The following GPR153 variants were observed in gnomAD, a reference collection of about 807,000 sequenced individuals.
The protein encoded by GPR153 is probable G protein-coupled receptor 153.
In GPR153, 27 loss-of-function variants were observed where a neutral mutation model predicts 34.1. The ratio of observed to expected loss-of-function variants is 0.79; its 90% CI spans 0.58 to 1.09. The LOEUF is 1.09. Ranked by LOEUF, GPR153 falls within the 50% of genes least tolerant of loss-of-function variation. GPR153 has a pLI of 0.00. For synonymous variants in GPR153, 408 were observed against 405.4 expected (o/e 1.01, Z -0.08); for missense variants, 848 against 860.2 (o/e 0.99, Z 0.18).
intron 3 of GPR153, among the ~76,000 whole-genome samples, chr1:6,253,331 G>A (rs1019875427): frequency 7.2e-5 from 11 of 152,356 alleles, no homozygotes; most frequent in Middle Eastern, 3.4e-3. Flanking sequence ...AGGAGGCAGA[G>A]GTTGCAGTGA....
chr1:6,255,657 T>TTTTTG (rs1465487420), intron 1 of GPR153, among the ~76,000 whole-genome samples: 1 of 137,060 alleles, frequency 7.3e-6, no homozygotes, highest in African/African-American at 2.7e-5. Flanking sequence ...TTTTTTTTTT[T>TTTTTG]TTTTTTTTTT....
intron 1 of GPR153, among the ~76,000 whole-genome samples, chr1:6,255,959 CTAATTT>C (rs1288841007): frequency 1.3e-5 from 2 of 152,040 alleles, no homozygotes; most frequent in East Asian, 1.9e-4. Context: ...CCCTGCCTGG[CTAATTT>C]TAATTTTATT....
rs1440751179 is a variant in GPR153 at position 6,247,794 on chromosome 1, C to T, written c.*1544G>A. 2.0e-5 allele frequency: 3 copies of T among 152,428 alleles called. No individual in the cohort carries two copies. Among genetic ancestry groups the T allele is most frequent in the Admixed American group, 1.3e-4 (2 of 15,314 alleles). 9.4% of individuals were successfully genotyped at this position (152,428 alleles called of 1,614,324 possible). A position where few individuals can be genotyped will look rare whatever the true frequency, so the allele number is the denominator to read the frequency against. On this transcript the variant is annotated 3_prime_UTR_variant, in exon 6 of 6. Coordinates refer to ENST00000377893, the MANE Select transcript of GPR153 (RefSeq NM_207370.4). ...AGCATTGGCCAGAGATGGCCCCTCC[C>T]GCGGCCAGGGCTGGATTGCAGTTCC...
Position 6,251,705 on chromosome 1 carries a change from C to T in GPR153, c.787-175G>A, listed in dbSNP as rs973117127. On this transcript the variant is annotated intron_variant, in intron 3 of 5. Transcript: ENST00000377893. This position sits in a 1 kb window ranked among gnomAD's most constrained non-coding sequence, Gnocchi z 4.9. ...CGTGGCAGTGGGAGGCCCCGCCTTCCGGGAGCTACCTGGCTACTGGGCAGC... is the reference window on the plus strand; with the variant it reads ...CGTGGCAGTGGGAGGCCCCGCCTTCTGGGAGCTACCTGGCTACTGGGCAGC... 4.8e-5 allele frequency: 14 copies of T among 291,042 alleles called. No individual in the cohort carries two copies. The highest frequency in any genetic ancestry group is 1.7e-3 in the Middle Eastern group (1 of 590). 18.0% of individuals were successfully genotyped at this position (291,042 alleles called of 1,614,324 possible).
At position 6,249,244 on chromosome 1, in the gene GPR153, T is replaced by A. The variant is rs1022354032; in HGVS notation, c.*94A>T. ...CCTCACCCCTGGGAGGGGTGGCGCA[T>A]GTCTGCGCGCGGGGCGGAGGCGGGC... On this transcript the variant is annotated 3_prime_UTR_variant, in exon 6 of 6. Transcript: ENST00000377893. The surrounding 1 kb of genome is among the most constrained non-coding windows in gnomAD (Gnocchi z 4.3). The A allele has an allele frequency of 4.4e-5, 42 of 945,944 alleles. No homozygotes were observed. The highest frequency in any genetic ancestry group is 5.8e-5 in the Non-Finnish European group (42 of 726,888). The allele number at this position is 945,944 out of a possible 1,614,324, so 58.6% of individuals were successfully genotyped here.
At chr1:6,258,740 C>T (rs922729018) in intron 1 of GPR153, among the ~76,000 whole-genome samples, 4 of 152,370 alleles carry the variant, frequency 2.6e-5, no homozygotes, top group Admixed American at 6.5e-5. Context: ...AAGGCAGCCT[C>T]GGCTGTGAGA....
At chr1:6,256,528 C>T (rs1259899500) in intron 1 of GPR153, among the ~76,000 whole-genome samples, 2 of 151,908 alleles carry the variant, frequency 1.3e-5, no homozygotes, top group Non-Finnish European at 1.5e-5. Flanking sequence ...CCACCATGCT[C>T]GGCTAATTTT....
rs758478301 is a variant in GPR153 at position 6,254,539 on chromosome 1, C to T, written c.356+11G>A. 1 of 1,544,918 alleles carries T rather than the reference C, an allele frequency of 6.5e-7. No homozygotes were observed. Among genetic ancestry groups the T allele is most frequent in the Admixed American group, 2.0e-5 (1 of 50,076 alleles). ...TAGAACCCCAAGAACCCCAGAACTT[C>T]ACATGCTCACCGGTAGTTGACAGGC... is the stretch of plus-strand genomic sequence containing the variant. On this transcript the variant is annotated intron_variant, in intron 2 of 5. Coordinates refer to ENST00000377893, the MANE Select transcript of GPR153 (RefSeq NM_207370.4).
In GPR153 at chr1:6,250,606, C is replaced by T. The variant is rs1214656655; in HGVS notation, c.998G>A (p.Gly333Asp). The change falls in exon 5 of 6, where the codon GGC becomes GAC. Residue 333 changes from glycine (G) to aspartate (D), a missense_variant. By Grantham distance (94) the Gly-to-Asp change is moderately conservative (BLOSUM62 -1). Transcript: ENST00000377893. ...CTCCAACACCAGGTCCGGGGAGATG[C>T]CACCTTCCAGGCTGGTCTCTGTAGG... ...ESDDETSLEG[G>D]ISPDLVLERS... 3 of 1,517,230 alleles carry T rather than the reference C, an allele frequency of 2.0e-6. No homozygotes were observed. Among genetic ancestry groups the T allele is most frequent in the East Asian group, 2.5e-5 (1 of 40,234 alleles). The allele number at this position is 1,517,230 out of a possible 1,614,324, so 94.0% of individuals were successfully genotyped here.
Position 6,251,236 on chromosome 1 carries a change from G to T in GPR153, c.979+102C>A. ...GGGGTGTCTGGTGGTTGAGAATGAA[G>T]TCACCTCCTTAGTGGCGTTGCCTGA... On this transcript the variant is annotated intron_variant, in intron 4 of 5. Coordinates refer to ENST00000377893, the MANE Select transcript of GPR153 (RefSeq NM_207370.4). The surrounding 1 kb of genome is among the most constrained non-coding windows in gnomAD (Gnocchi z 4.9). The T allele has an allele frequency of 1.1e-6, 1 of 894,266 alleles. No individual in the cohort carries two copies. The highest frequency in any genetic ancestry group is 1.7e-6 in the Non-Finnish European group (1 of 572,490). 55.4% of individuals were successfully genotyped at this position (894,266 alleles called of 1,614,324 possible).
rs942095970 is a variant in GPR153, at chr1:6,250,253, C to A, written c.1164+187G>T. The A allele has an allele frequency of 3.8e-5, 37 of 985,358 alleles. No individual in the cohort carries two copies. In the Middle Eastern group the frequency reaches 1.6e-3, roughly 42 times the overall value. 61.0% of individuals were successfully genotyped at this position (985,358 alleles called of 1,614,324 possible). A position where few individuals can be genotyped will look rare whatever the true frequency, so the allele number is the denominator to read the frequency against. On this transcript the variant is annotated intron_variant, in intron 5 of 5. Transcript: ENST00000377893. Reference sequence around the variant, plus strand: ...CAGGAGATAACTCATGTGACAGGGACCATGGGGGTGGCGGTTGGGGCCCAC... The same window carrying A: ...CAGGAGATAACTCATGTGACAGGGAACATGGGGGTGGCGGTTGGGGCCCAC...
chr1:6,249,437 C>T lies in GPR153; in HGVS notation c.1731G>A (p.Ala577=). 1 of 1,363,610 alleles carries T rather than the reference C, an allele frequency of 7.3e-7. No individual in the cohort carries two copies. Among genetic ancestry groups the T allele is most frequent in the Non-Finnish European group, 9.4e-7 (1 of 1,062,364 alleles). 84.5% of individuals were successfully genotyped at this position (1,363,610 alleles called of 1,614,324 possible). Residue 577 remains alanine, a synonymous_variant, in exon 6 of 6, where the codon GCG becomes GCA. Transcript: ENST00000377893. The surrounding 1 kb of genome is among the most constrained non-coding windows in gnomAD (Gnocchi z 4.3). The part of the protein sequence containing the change: ...ASWGEPGGLR[A]AGGGGSTSSF... The stretch of plus-strand genomic sequence containing the variant: ...TGCTGGTGCTGCCGCCGCCGCCCGC[C>T]GCGCGCAGCCCCCCGGGCTCGCCCC...
At chr1:6,254,380 C>T (rs1414963038) in intron 2 of GPR153, among the ~76,000 whole-genome samples, 170 bp downstream of exon 2, 1 of 152,222 alleles carries the variant, frequency 6.6e-6, no homozygotes, top group Non-Finnish European at 1.5e-5. Context: ...TCTACCCATG[C>T]AAAGCTACGT....
Position 6,254,703 on chromosome 1 carries a change from T to G in GPR153, c.203A>C (p.Gln68Pro). ...AVPIATYSVV[Q>P]LRRQRPDFEW... ...GAAGTCGGGGCGCTGCCGCCGCAGC[T>G]GCACCACGGAGTAGGTGGCGATGGG... Residue 68 changes from glutamine to proline, a missense_variant, in exon 2 of 6, where the codon CAG becomes CCG. By Grantham distance (76) the Gln-to-Pro change is moderately conservative (BLOSUM62 -1). Transcript: ENST00000377893. 6.2e-7 allele frequency: 1 copy of G among 1,613,898 alleles called. No homozygotes were observed. Among genetic ancestry groups the G allele is most frequent in the Non-Finnish European group, 8.5e-7 (1 of 1,179,926 alleles).
rs1638665606 is a variant in GPR153 at position 6,260,911 on chromosome 1, C to A, written c.-196G>T. Reference sequence around the variant, plus strand: ...CCCGCGCCCCCGGGCCGAGCGCAGGCCGCCGAGGGCCGCGGGGGTGGCTGG... The same window carrying A: ...CCCGCGCCCCCGGGCCGAGCGCAGGACGCCGAGGGCCGCGGGGGTGGCTGG... On this transcript the variant is annotated 5_prime_UTR_variant, in exon 1 of 6. Transcript: ENST00000377893. 2.0e-5 allele frequency: 3 copies of A among 147,696 alleles called. No homozygotes were observed. In the South Asian group the frequency reaches 6.2e-4, roughly 31 times the overall value. The allele number at this position is 147,696 out of a possible 1,614,324, so 9.1% of individuals were successfully genotyped here.
At chr1:6,257,083 T>C (rs1638584208) in intron 1 of GPR153, among the ~76,000 whole-genome samples, 1 of 152,218 alleles carries the variant, frequency 6.6e-6, no homozygotes, top group African/African-American at 2.4e-5. Flanking sequence ...ACCTGCATCC[T>C]CAGGGAACCA....
chr1:6,247,924 C>A lies in GPR153; in HGVS notation c.*1414G>T. 1 of 152,530 alleles carries A rather than the reference C, an allele frequency of 6.6e-6. No individual in the cohort carries two copies. 9.4% of individuals were successfully genotyped at this position (152,530 alleles called of 1,614,324 possible). A position where few individuals can be genotyped will look rare whatever the true frequency, so the allele number is the denominator to read the frequency against. ...ACAGGCTTAGGCAGCCTCCCACCCCCACCCCAGCAGCTTCTTCTGGGAGTG... is the reference window on the plus strand; with the variant it reads ...ACAGGCTTAGGCAGCCTCCCACCCCAACCCCAGCAGCTTCTTCTGGGAGTG... On this transcript the variant is annotated 3_prime_UTR_variant, in exon 6 of 6. Coordinates refer to ENST00000377893, the MANE Select transcript of GPR153 (RefSeq NM_207370.4).
chr1:6,256,379 T>G (rs1557615733), intron 1 of GPR153, among the ~76,000 whole-genome samples: 5 of 151,114 alleles, frequency 3.3e-5, no homozygotes, highest in African/African-American at 1.2e-4. Flanking sequence ...TCTTTTCTTT[T>G]TTTTTTTTTT....
chr1:6,249,323 G>T lies in GPR153; in HGVS notation c.*15C>A. ...GCCTGGCCTGCCTGGCGTCCGTGGG[G>T]AGGCGCCGGCGGTCCTAGGACGCGG... On this transcript the variant is annotated 3_prime_UTR_variant, in exon 6 of 6. Coordinates refer to ENST00000377893, the MANE Select transcript of GPR153 (RefSeq NM_207370.4). The surrounding 1 kb of genome is among the most constrained non-coding windows in gnomAD (Gnocchi z 4.3). 2.4e-6 allele frequency: 3 copies of T among 1,267,390 alleles called. No homozygotes were observed. Among genetic ancestry groups the T allele is most frequent in the African/African-American group, 1.5e-5 (1 of 64,722 alleles). The allele number at this position is 1,267,390 out of a possible 1,614,324, so 78.5% of individuals were successfully genotyped here. A position where few individuals can be genotyped will look rare whatever the true frequency, so the allele number is the denominator to read the frequency against.
Sources: gnomAD v4.1 joint callset for allele counts (sites outside exome capture counted in the v4.1 genomes callset) on GRCh38, gnomAD v4.1.1 for gene constraint, Gnocchi (gnomAD v3.1) non-coding constraint, MANE v1.5 for transcripts, NCBI Gene and HGNC (gene_info 2026-07-23, HGNC 2026-07-21) for gene names.